MEMO1: variants seen among roughly 807,000 people sequenced by gnomAD.
MEMO1 encodes protein MEMO1.
A neutral mutation model predicts 45.2 loss-of-function variants in MEMO1; 6 were observed. The observed-to-expected ratio is 0.13, with a 90% CI of 0.07 to 0.26. The LOEUF (loss-of-function observed/expected upper bound fraction) is 0.26. MEMO1 is among the 10% of genes least tolerant of loss of function. The probability of loss-of-function intolerance (pLI) is 1.00; values close to 1 mark genes in which losing one functional copy is unlikely to be tolerated. For synonymous variants in MEMO1, 78 were observed against 124.3 expected (o/e 0.63, Z 2.48); for missense variants, 184 against 370.5 (o/e 0.50, Z 4.13).
At chr2:31,971,905 G>A (rs2148463946) in intron 2 of MEMO1, among the ~76,000 whole-genome samples, 1 of 152,324 alleles carries the variant, frequency 6.6e-6, no homozygotes, top group East Asian at 1.9e-4. Flanking sequence ...AGGAGGCAGA[G>A]GTTGCAGTGA....
intron 2 of MEMO1, among the ~76,000 whole-genome samples, chr2:31,985,305 T>C (rs1441825488): frequency 6.6e-6 from 1 of 152,146 alleles, no homozygotes; most frequent in East Asian, 1.9e-4. Context: ...CAGCAAGGAT[T>C]TTAATCTTAT....
At chr2:31,872,912 A>C (rs1303477296) in intron 8 of MEMO1, among the ~76,000 whole-genome samples, 1 of 152,162 alleles carries the variant, frequency 6.6e-6, no homozygotes, top group Non-Finnish European at 1.5e-5. Flanking sequence ...ATAATGATAA[A>C]ATTTAGAAAT....
intron 3 of MEMO1, among the ~76,000 whole-genome samples, chr2:31,942,059 A>C (rs569549644): frequency 6.6e-6 from 1 of 152,332 alleles, no homozygotes; most frequent in East Asian, 1.9e-4. Flanking sequence ...TCTCAGAAAA[A>C]ATGTTACCAT....
chr2:31,937,351 T>C (rs2148288333), intron 3 of MEMO1, among the ~76,000 whole-genome samples: 1 of 152,356 alleles, frequency 6.6e-6, no homozygotes, highest in South Asian at 2.1e-4. Context: ...AACCAGAATG[T>C]TGCATATCTA....
rs371876862 is a variant in MEMO1, at chr2:31,959,920, G to A, written c.62-16537C>T. ...GAATCTAAAAGTGCATTTTTTGAAA[G>A]ATAAATGTTAATCATTTCTGGCCTG... On this transcript the variant is annotated intron_variant, in intron 2 of 9. Coordinates refer to ENST00000404530, the MANE Select transcript of MEMO1 (RefSeq NM_001301833.4). Among the ~76,000 whole-genome samples, 3 of 152,254 alleles carry A rather than the reference G, an allele frequency of 2.0e-5. No individual in the cohort carries two copies. In the East Asian group the frequency reaches 5.8e-4, roughly 29 times the overall value.
intron 8 of MEMO1, among the ~76,000 whole-genome samples, chr2:31,882,352 T>C (rs1344093627): frequency 1.3e-5 from 2 of 152,070 alleles, no homozygotes; most frequent in African/African-American, 4.8e-5. Context: ...TTAATATGCA[T>C]GCTTAAGATC....
intron 2 of MEMO1, among the ~76,000 whole-genome samples, chr2:31,946,060 T>C (rs1173005874): frequency 6.6e-6 from 1 of 152,204 alleles, no homozygotes; most frequent in Non-Finnish European, 1.5e-5. Flanking sequence ...AAACTGAAAT[T>C]GTTTCCTTTT....
intron 4 of MEMO1, among the ~76,000 whole-genome samples, chr2:31,927,639 TA>T (rs555788140): frequency 1.5e-3 from 214 of 138,744 alleles, no homozygotes; most frequent in Middle Eastern, 3.8e-3. Context: ...TTATATTTTG[TA>T]AAAAAAAAAA....
intron 3 of MEMO1, among the ~76,000 whole-genome samples, chr2:31,935,219 A>G (rs538441447): frequency 2.0e-5 from 3 of 152,286 alleles, no homozygotes; most frequent in Admixed American, 2.0e-4. Context: ...GCCTGGCTCT[A>G]GAATACATAC....
intron 7 of MEMO1, among the ~76,000 whole-genome samples, chr2:31,886,420 G>A (rs1426204647): frequency 6.6e-6 from 1 of 152,092 alleles, no homozygotes; most frequent in Non-Finnish European, 1.5e-5. Context: ...ACGTATGTCT[G>A]CATACACACA....
intron 2 of MEMO1, among the ~76,000 whole-genome samples, chr2:32,002,202 CATGT>C (rs1278934069): frequency 4.7e-5 from 6 of 128,184 alleles, no homozygotes; most frequent in African/African-American, 1.8e-4. Context: ...CACACACACA[CATGT>C]ATATACGTAT....
chr2:31,912,258 C>T (rs1272798222), intron 6 of MEMO1, among the ~76,000 whole-genome samples: 1 of 152,010 alleles, frequency 6.6e-6, no homozygotes, highest in Non-Finnish European at 1.5e-5. Context: ...ATCGCTTGAA[C>T]CTGGGAGGTG....
At chr2:31,954,315 G>A (rs1314809911) in intron 2 of MEMO1, among the ~76,000 whole-genome samples, 1 of 152,096 alleles carries the variant, frequency 6.6e-6, no homozygotes, top group Non-Finnish European at 1.5e-5. Context: ...CAGGCTTTGT[G>A]GCTCATGCCT....
intron 6 of MEMO1, among the ~76,000 whole-genome samples, chr2:31,915,635 T>C (rs542666997): frequency 2.1e-4 from 32 of 152,200 alleles, no homozygotes; most frequent in Non-Finnish European, 4.0e-4. Context: ...AAAAAAGTCC[T>C]ACTTGAAGAA....
At chr2:31,975,516 A>G (rs1312250226) in intron 2 of MEMO1, among the ~76,000 whole-genome samples, 1 of 152,174 alleles carries the variant, frequency 6.6e-6, no homozygotes, top group Non-Finnish European at 1.5e-5. Flanking sequence ...AGATCTCAAG[A>G]GTACAGCACT....
intron 6 of MEMO1, among the ~76,000 whole-genome samples, chr2:31,906,250 G>A (rs962003562): frequency 7.2e-5 from 11 of 151,884 alleles, no homozygotes; most frequent in African/African-American, 1.7e-4. Context: ...GATTACCGGC[G>A]TGAGCCACCG....
At chr2:32,001,617 T>C (rs955805306) in intron 2 of MEMO1, among the ~76,000 whole-genome samples, 20 of 152,182 alleles carry the variant, frequency 1.3e-4, no homozygotes, top group Admixed American at 7.9e-4. Flanking sequence ...CTCTGCAGTT[T>C]ACCAGTTACG....
chr2:31,983,780 G>C (rs937400107), intron 2 of MEMO1, among the ~76,000 whole-genome samples: 14 of 152,262 alleles, frequency 9.2e-5, no homozygotes, highest in African/African-American at 3.1e-4. Flanking sequence ...AGAAAGCAAG[G>C]CTCCTTGGAG....
At chr2:31,961,081 G>A (rs1191356796) in intron 2 of MEMO1, among the ~76,000 whole-genome samples, 1 of 152,198 alleles carries the variant, frequency 6.6e-6, no homozygotes, top group Non-Finnish European at 1.5e-5. Flanking sequence ...AAGAGGCCAG[G>A]TGCAGTGACT....
Sources: allele counts gnomAD v4.1 joint callset (sites outside exome capture counted in the v4.1 genomes callset), GRCh38; gene constraint gnomAD v4.1.1; transcripts MANE v1.5; gene names NCBI Gene and HGNC (gene_info 2026-07-23, HGNC 2026-07-21).